Variants in GALNT17 observed in about 807,000 individuals in gnomAD.
GALNT17 encodes polypeptide N-acetylgalactosaminyltransferase 17, also known as UDP-GalNAc:polypeptide N-acetylgalactosaminyltransferase-like 3.
Under a neutral mutation model 63.7 loss-of-function variants are expected in GALNT17, and 29 were observed. The ratio of observed to expected loss-of-function variants is 0.46; its 90% CI spans 0.34 to 0.62. The LOEUF is 0.62. GALNT17 is among the 20% of genes least tolerant of loss of function. The pLI is 0.01. For missense variants in GALNT17, 603 were observed against 799.6 expected, an observed-to-expected ratio of 0.75 and a Z score of 2.97; for synonymous variants, 305 against 318.3, an observed-to-expected ratio of 0.96 and a Z score of 0.45.
chr7:71,382,562 G>C (rs1237524000), intron 2 of GALNT17, among the ~76,000 whole-genome samples: 1 of 152,086 alleles, frequency 6.6e-6, no homozygotes, highest in Admixed American at 6.6e-5. Flanking sequence ...GAAAAGCCAT[G>C]GGGGTCTGAG....
intron 2 of GALNT17, among the ~76,000 whole-genome samples, chr7:71,348,826 C>G (rs1213694587): frequency 6.6e-6 from 1 of 152,140 alleles, no homozygotes; most frequent in East Asian, 1.9e-4. Flanking sequence ...AGAGTTGGTA[C>G]TTAAACAACC....
chr7:71,698,483 G>A (rs1263621664), intron 9 of GALNT17, among the ~76,000 whole-genome samples: 1 of 152,110 alleles, frequency 6.6e-6, no homozygotes, highest in Non-Finnish European at 1.5e-5. Context: ...GTATCCTAAT[G>A]TCTTTGAATT....
intron 2 of GALNT17, among the ~76,000 whole-genome samples, chr7:71,357,705 G>A (rs1434105855): frequency 6.6e-6 from 1 of 152,116 alleles, no homozygotes; most frequent in Non-Finnish European, 1.5e-5. Flanking sequence ...TCGGGAGTTC[G>A]AGACCAGCCT....
chr7:71,279,771 C>T (rs892986653), intron 1 of GALNT17, among the ~76,000 whole-genome samples: 2 of 150,060 alleles, frequency 1.3e-5, no homozygotes, highest in African/African-American at 2.5e-5. Flanking sequence ...AGGAACGAAG[C>T]GAAATGGGGG....
intron 5 of GALNT17, among the ~76,000 whole-genome samples, chr7:71,431,194 TTTTTC>T (rs1235669596): frequency 4.4e-5 from 6 of 136,878 alleles, no homozygotes; most frequent in South Asian, 2.3e-4. Flanking sequence ...TGAGTATTTT[TTTTTC>T]TTTTCTTTTC....
intron 1 of GALNT17, among the ~76,000 whole-genome samples, chr7:71,231,965 T>C (rs58933448): frequency 0.016 from 2,490 of 152,022 alleles, 78 homozygotes; most frequent in African/African-American, 0.057. Flanking sequence ...GTCCATAACA[T>C]TGGGGAAGTA....
chr7:71,579,370 A>C (rs1158115478), intron 6 of GALNT17, among the ~76,000 whole-genome samples: 1 of 152,238 alleles, frequency 6.6e-6, no homozygotes, highest in Non-Finnish European at 1.5e-5. Context: ...TGGAGCTACC[A>C]CAGTCAATAC....
At chr7:71,197,117 A>G (rs1382040438) in intron 1 of GALNT17, among the ~76,000 whole-genome samples, 1 of 152,010 alleles carries the variant, frequency 6.6e-6, no homozygotes, top group Non-Finnish European at 1.5e-5. Flanking sequence ...TGTGCTACAA[A>G]TAATCCAGTC....
chr7:71,331,254 C>G (rs1791802258), intron 1 of GALNT17, among the ~76,000 whole-genome samples: 1 of 152,100 alleles, frequency 6.6e-6, no homozygotes, highest in South Asian at 2.1e-4. Flanking sequence ...CTTAAACAAC[C>G]CTCAAATCTC....
chr7:71,672,700 C>G (rs1044982972), intron 8 of GALNT17, among the ~76,000 whole-genome samples: 1 of 152,102 alleles, frequency 6.6e-6, no homozygotes, highest in African/African-American at 2.4e-5. Flanking sequence ...TACAGGCACA[C>G]GCCACCACGC....
At chr7:71,187,186 C>A (rs1395578167) in intron 1 of GALNT17, among the ~76,000 whole-genome samples, 1 of 152,082 alleles carries the variant, frequency 6.6e-6, no homozygotes, top group African/African-American at 2.4e-5. Context: ...GTGGCAGGAT[C>A]ATAAGTCACT....
chr7:71,564,617 C>T (rs896429168), intron 5 of GALNT17, among the ~76,000 whole-genome samples: 6 of 151,992 alleles, frequency 3.9e-5, no homozygotes, highest in South Asian at 2.1e-4. Context: ...ACACCAACAG[C>T]GACCATCGTC....
intron 6 of GALNT17, among the ~76,000 whole-genome samples, chr7:71,659,425 G>A (rs1165142234): frequency 6.6e-6 from 1 of 152,212 alleles, no homozygotes; most frequent in Non-Finnish European, 1.5e-5. Context: ...CTGATGGGTT[G>A]TCTTGGGGGT....
At chr7:71,706,213 A>G (rs985859476) in intron 9 of GALNT17, among the ~76,000 whole-genome samples, 5 of 152,240 alleles carry the variant, frequency 3.3e-5, no homozygotes, top group African/African-American at 1.2e-4. Flanking sequence ...AGTGAGATAA[A>G]CACCTTCCCC....
intron 9 of GALNT17, among the ~76,000 whole-genome samples, chr7:71,688,792 A>G (rs962451163): frequency 1.3e-4 from 20 of 152,190 alleles, no homozygotes; most frequent in Admixed American, 3.3e-4. Context: ...ATTCCATGCC[A>G]TCAGTGTGCA....
chr7:71,430,143 GA>G (rs984291750), intron 5 of GALNT17, among the ~76,000 whole-genome samples: 7 of 152,016 alleles, frequency 4.6e-5, no homozygotes, highest in African/African-American at 1.5e-4. Context: ...CACTGCACCT[GA>G]CCCCACCAGG....
At chr7:71,707,159 AT>A (rs35262295) in intron 9 of GALNT17, among the ~76,000 whole-genome samples, 59,043 of 151,778 alleles carry the variant, frequency 0.39, 13,890 homozygotes, top group Non-Finnish European at 0.52. Flanking sequence ...GATGCAGAGT[AT>A]TTTTTTTTAA....
At chr7:71,543,077 T>C (rs1027142483) in intron 5 of GALNT17, among the ~76,000 whole-genome samples, 1 of 151,976 alleles carries the variant, frequency 6.6e-6, no homozygotes, top group African/African-American at 2.4e-5. Context: ...AAGAATTTTA[T>C]TTTTTCTTGT....
chr7:71,594,228 G>A (rs1488091961), intron 6 of GALNT17, among the ~76,000 whole-genome samples: 1 of 152,090 alleles, frequency 6.6e-6, no homozygotes, highest in Admixed American at 6.5e-5. Flanking sequence ...GGCAGGTTTG[G>A]GGTTTGCTCT....
Sources: allele counts gnomAD v4.1 joint callset (sites outside exome capture counted in the v4.1 genomes callset), GRCh38; gene constraint gnomAD v4.1.1; transcripts MANE v1.5; gene names NCBI Gene and HGNC (gene_info 2026-07-23, HGNC 2026-07-21).